SNTG2: variants seen among roughly 807,000 people sequenced by gnomAD.
SNTG2 encodes the protein syntrophin gamma 2.
In SNTG2, 74 loss-of-function variants were observed where a neutral mutation model predicts 70.9. The ratio of observed to expected loss-of-function variants is 1.04; its 90% confidence interval spans 0.86 to 1.27. The LOEUF is 1.27. Ranked by LOEUF, SNTG2 falls within the 50% of genes most tolerant of loss-of-function variation. The pLI is 0.00. For synonymous variants in SNTG2, 278 were observed against 273.8 expected (o/e 1.02, Z -0.15); for missense variants, 717 against 690.7 (o/e 1.04, Z -0.43).
chr2:959,479 G>A (rs1439814503), intron 1 of SNTG2, among the ~76,000 whole-genome samples: 1 of 152,108 alleles, frequency 6.6e-6, no homozygotes, highest in Non-Finnish European at 1.5e-5. Flanking sequence ...ATGTTGGCAG[G>A]AGGAAGGGAG....
At chr2:951,803 C>T (rs915730607) in intron 1 of SNTG2, among the ~76,000 whole-genome samples, 6 of 152,142 alleles carry the variant, frequency 3.9e-5, no homozygotes, top group African/African-American at 1.4e-4. Flanking sequence ...ACGTGGCCAC[C>T]CCAGCCCTAG....
intron 6 of SNTG2, among the ~76,000 whole-genome samples, chr2:1,147,896 A>G: frequency 6.6e-6 from 1 of 152,236 alleles, no homozygotes. Context: ...TTTTAAGTAT[A>G]TGCAATTTTC....
chr2:990,779 TG>T (rs763844242), intron 1 of SNTG2, among the ~76,000 whole-genome samples: 7 of 152,094 alleles, frequency 4.6e-5, no homozygotes, highest in Non-Finnish European at 1.0e-4. Context: ...ATAAAATTGG[TG>T]TACAATAACT....
At chr2:1,115,295 T>C (rs1394102197) in intron 4 of SNTG2, among the ~76,000 whole-genome samples, 2 of 152,122 alleles carry the variant, frequency 1.3e-5, no homozygotes, top group African/African-American at 2.4e-5. Flanking sequence ...GGATCGTGTG[T>C]ACTAAGTGAG....
At chr2:1,104,379 G>A (rs142921121) in intron 4 of SNTG2, among the ~76,000 whole-genome samples, 1 of 152,328 alleles carries the variant, frequency 6.6e-6, no homozygotes, top group Non-Finnish European at 1.5e-5. Context: ...GACGAGCTGA[G>A]TGACAGGGTC....
intron 1 of SNTG2, among the ~76,000 whole-genome samples, chr2:1,006,296 A>C (rs1300426758): frequency 6.6e-6 from 1 of 151,860 alleles, no homozygotes; most frequent in Non-Finnish European, 1.5e-5. Context: ...ATGTACCTTA[A>C]AACTTAAGGT....
rs1373059578 is a variant in SNTG2, at chr2:1,075,151, A to G, written c.73-8367A>G. On this transcript the variant is annotated intron_variant, in intron 1 of 16. Coordinates refer to ENST00000308624, the MANE Select transcript of SNTG2 (RefSeq NM_018968.4). Reference sequence around the variant, plus strand: ...CACATAACTAAGAAAAATGGATCAGATGAGGGTTGGAGTATAATTAAACAG... The same window carrying G: ...CACATAACTAAGAAAAATGGATCAGGTGAGGGTTGGAGTATAATTAAACAG... Among the ~76,000 whole-genome samples, 4 of 152,344 alleles carry G rather than the reference A, an allele frequency of 2.6e-5. No individual in the cohort carries two copies. The East Asian group carries it at 7.7e-4, about 29-fold the overall frequency.
At chr2:1,031,528 A>ATATATATATATATATATTTT in intron 1 of SNTG2, among the ~76,000 whole-genome samples, 3 of 59,122 alleles carry the variant, frequency 5.1e-5, no homozygotes, top group African/African-American at 2.5e-4. Context: ...ATATATATAT[A>ATATATATATATATATATTTT]TTTTTTTTTT....
At chr2:1,287,177 T>C (rs1195798645) in intron 14 of SNTG2, among the ~76,000 whole-genome samples, 1 of 152,220 alleles carries the variant, frequency 6.6e-6, no homozygotes, top group Non-Finnish European at 1.5e-5. Flanking sequence ...TCCTTCCTTC[T>C]GTCTAAACAA....
At chr2:1,154,285 G>A (rs1011640513) in intron 6 of SNTG2, among the ~76,000 whole-genome samples, 4 of 152,142 alleles carry the variant, frequency 2.6e-5, no homozygotes, top group African/African-American at 9.7e-5. Flanking sequence ...GCGCTGGCAC[G>A]GGCGTGGAGA....
intron 9 of SNTG2, 137 bp downstream of exon 9, chr2:1,209,367 C>G: frequency 9.3e-7 from 1 of 1,073,982 alleles, no homozygotes; most frequent in Non-Finnish European, 1.4e-6. Context: ...GTAGATTTAG[C>G]ATTTGGAATA....
At chr2:1,183,490 G>GT (rs531924331) in intron 8 of SNTG2, among the ~76,000 whole-genome samples, 8 of 152,154 alleles carry the variant, frequency 5.3e-5, no homozygotes, top group Non-Finnish European at 7.3e-5. Flanking sequence ...GAGAATTCCA[G>GT]TTTCACATTC....
chr2:1,354,492 C>A (rs1177569229), intron 16 of SNTG2, among the ~76,000 whole-genome samples: 21 of 64,368 alleles, frequency 3.3e-4, no homozygotes, highest in South Asian at 8.1e-4. Context: ...AGAGCGGCTG[C>A]CTGAGTTCCC....
At chr2:1,335,950 C>G (rs1291150992) in intron 16 of SNTG2, among the ~76,000 whole-genome samples, 1 of 152,146 alleles carries the variant, frequency 6.6e-6, no homozygotes, top group African/African-American at 2.4e-5. Context: ...CCAGATCAAA[C>G]AAATCATATT....
In SNTG2 at chr2:996,596, A is replaced by G. The variant is rs555343556; in HGVS notation, c.72+45528A>G. ...CATATGTGTATCTACATCTACATAT[A>G]TATGTATATGTGTGTATATATTGGT... On this transcript the variant is annotated intron_variant, in intron 1 of 16. Coordinates refer to ENST00000308624, the MANE Select transcript of SNTG2 (RefSeq NM_018968.4). 7.4e-5 allele frequency among the ~76,000 whole-genome samples: 11 copies of G among 148,066 alleles called. 1 individual carries two copies. The highest frequency in any genetic ancestry group is 6.8e-4 in the Admixed American group (10 of 14,776).
At chr2:1,221,356 TCTCTGC>T in intron 9 of SNTG2, among the ~76,000 whole-genome samples, 1 of 152,030 alleles carries the variant, frequency 6.6e-6, no homozygotes, top group Non-Finnish European at 1.5e-5. Flanking sequence ...TCTGCCTCTG[TCTCTGC>T]CTCTCTCTGT....
At chr2:1,315,036 T>G (rs1481493093) in intron 15 of SNTG2, among the ~76,000 whole-genome samples, 1 of 152,210 alleles carries the variant, frequency 6.6e-6, no homozygotes, top group Non-Finnish European at 1.5e-5. Context: ...GACTGAAGCA[T>G]GATTTTGGAA....
At chr2:1,174,150 G>A (rs1671316783) in intron 8 of SNTG2, among the ~76,000 whole-genome samples, 1 of 152,286 alleles carries the variant, frequency 6.6e-6, no homozygotes, top group Admixed American at 6.5e-5. Context: ...TGAAATTGCA[G>A]TTCTAAGCAA....
At position 1,128,244 on chromosome 2, in the gene SNTG2, A is replaced by G. The variant is rs1047243179; in HGVS notation, c.326-9378A>G. On this transcript the variant is annotated intron_variant, in intron 4 of 16. Coordinates refer to ENST00000308624, the MANE Select transcript of SNTG2 (RefSeq NM_018968.4). The stretch of plus-strand genomic sequence containing the variant: ...ATTCTATAAGGAATGCAATTTATTC[A>G]TTTTCGCATACTGTGAATAATGGAA... Among the ~76,000 whole-genome samples, 11 of 152,130 alleles carry G rather than the reference A, an allele frequency of 7.2e-5. No individual in the cohort carries two copies. The East Asian group carries it at 2.1e-3, about 29-fold the overall frequency.
Sources: allele counts gnomAD v4.1 joint callset (sites outside exome capture counted in the v4.1 genomes callset), GRCh38; gene constraint gnomAD v4.1.1; transcripts MANE v1.5; gene names NCBI Gene and HGNC (gene_info 2026-07-23, HGNC 2026-07-21).